Variants in PALS1 observed in about 807,000 individuals in gnomAD.
The protein encoded by PALS1 is protein PALS1.
PALS1 carries 31 observed loss-of-function variants against 78.9 expected under a neutral mutation model. That is an observed-to-expected ratio of 0.39 (90% CI 0.30 to 0.53). The LOEUF (loss-of-function observed/expected upper bound fraction) is 0.53. PALS1 is among the 20% of genes least tolerant of loss of function. The pLI, the probability that PALS1 is intolerant of heterozygous loss-of-function variation, is 0.67. For synonymous variants in PALS1, 276 were observed against 270.9 expected (o/e 1.02, Z -0.18); for missense variants, 704 against 826.5 (o/e 0.85, Z 1.82).
rs564425546 is a variant in PALS1, at chr14:67,289,871, C to T, written c.368-2640C>T. Among the ~76,000 whole-genome samples the T allele has an allele frequency of 3.1e-3, 464 of 150,240 alleles. 3 individuals are homozygous for T. Among genetic ancestry groups the T allele is most frequent in the African/African-American group, 0.011 (437 of 40,758 alleles). On this transcript the variant is annotated intron_variant, in intron 3 of 14. Coordinates refer to ENST00000261681, the MANE Select transcript of PALS1 (RefSeq NM_022474.4). Reference sequence around the variant, plus strand: ...CTGCAAGCTCTGCCTCCTGGGTTCACGCCATTCTCCTGCCTCAGCCTCTCG... The same window carrying T: ...CTGCAAGCTCTGCCTCCTGGGTTCATGCCATTCTCCTGCCTCAGCCTCTCG...
chr14:67,335,488 T>G lies in PALS1; in HGVS notation c.*2532T>G, dbSNP rs2085516673. On this transcript the variant is annotated 3_prime_UTR_variant, in exon 15 of 15. Transcript: ENST00000261681. ...GTTTTAGGTTGGTGCATAACTTTGT[T>G]TCTCAAATTTTCGTTGTCAGAACAA... The G allele has an allele frequency of 6.6e-6, 1 of 152,638 alleles. No homozygotes were observed. Among genetic ancestry groups the G allele is most frequent in the Non-Finnish European group, 1.5e-5 (1 of 68,048 alleles). 9.5% of individuals were successfully genotyped at this position (152,638 alleles called of 1,614,324 possible).
chr14:67,320,647 G>C (rs745691071), intron 12 of PALS1, among the ~76,000 whole-genome samples: 1 of 152,074 alleles, frequency 6.6e-6, no homozygotes, highest in Non-Finnish European at 1.5e-5. Flanking sequence ...ATAATTTCCT[G>C]TTCCATAGAG....
At chr14:67,268,833 G>A (rs1006246094) in intron 1 of PALS1, among the ~76,000 whole-genome samples, 27 of 152,290 alleles carry the variant, frequency 1.8e-4, no homozygotes, top group Admixed American at 1.2e-3. Flanking sequence ...TGGGAATGCA[G>A]CCCAGTAGGT....
chr14:67,241,669 C>G (rs956322539), intron 1 of PALS1, 136 bp downstream of exon 1: 4 of 152,396 alleles, frequency 2.6e-5, no homozygotes, highest in African/African-American at 9.7e-5. Flanking sequence ...CGGGAGACCC[C>G]TGGCAGCCAG....
intron 1 of PALS1, among the ~76,000 whole-genome samples, chr14:67,264,756 A>G (rs2084293131): frequency 6.6e-6 from 1 of 152,178 alleles, no homozygotes; most frequent in South Asian, 2.1e-4. Flanking sequence ...ATGGCCTAGA[A>G]TCATGGGGTG....
intron 4 of PALS1, among the ~76,000 whole-genome samples, chr14:67,297,438 TTG>T (rs764369122): frequency 8.5e-5 from 13 of 152,234 alleles, no homozygotes; most frequent in Non-Finnish European, 1.9e-4. Flanking sequence ...CTAGTTTTTT[TTG>T]TGTTTCTCAA....
intron 1 of PALS1, among the ~76,000 whole-genome samples, chr14:67,259,835 C>T (rs1451299123): frequency 6.6e-6 from 1 of 150,674 alleles, no homozygotes; most frequent in East Asian, 1.9e-4. Flanking sequence ...TTGCTTGAGC[C>T]CAGGAGTTTG....
chr14:67,316,978 TAGAACCGTGA>T, intron 10 of PALS1, 75 bp downstream of exon 10: 1 of 1,174,348 alleles, frequency 8.5e-7, no homozygotes, highest in East Asian at 2.4e-5. Flanking sequence ...ATCTGCATAT[TAGAACCGTGA>T]AGAAGTACTC....
At position 67,335,253 on chromosome 14, in the gene PALS1, A is replaced by G. The variant is rs1246248027; in HGVS notation, c.*2297A>G. ...TGTGCTGATATTCAACATAGTCCTT[A>G]AAGTGAAAACTGAGTTGTTGCTGAC... On this transcript the variant is annotated 3_prime_UTR_variant, in exon 15 of 15. Coordinates refer to ENST00000261681, the MANE Select transcript of PALS1 (RefSeq NM_022474.4). 1 of 152,254 alleles carries G rather than the reference A, an allele frequency of 6.6e-6. No homozygotes were observed. Among genetic ancestry groups the G allele is most frequent in the Non-Finnish European group, 1.5e-5 (1 of 68,052 alleles). 9.4% of individuals were successfully genotyped at this position (152,254 alleles called of 1,614,324 possible). A position where few individuals can be genotyped will look rare whatever the true frequency, so the allele number is the denominator to read the frequency against.
intron 3 of PALS1, among the ~76,000 whole-genome samples, chr14:67,280,717 C>G (rs942777333): frequency 4.9e-4 from 75 of 152,210 alleles, no homozygotes; most frequent in African/African-American, 1.6e-3. Context: ...GCACCTTTTT[C>G]TAATTTGGCC....
chr14:67,292,391 G>A (rs1241592824), intron 3 of PALS1, 120 bp from the exon 4 acceptor site: 3 of 643,594 alleles, frequency 4.7e-6, no homozygotes, highest in Non-Finnish European at 8.1e-6. Context: ...AATATATGCA[G>A]ATTTTGGTAT....
At chr14:67,284,598 A>G (rs1331799640) in intron 3 of PALS1, among the ~76,000 whole-genome samples, 2 of 142,364 alleles carry the variant, frequency 1.4e-5, no homozygotes, top group African/African-American at 5.2e-5. Flanking sequence ...AGGTTGTGCA[A>G]TCATCACTAC....
At chr14:67,318,830 G>A (rs988030401) in intron 11 of PALS1, among the ~76,000 whole-genome samples, 2 of 152,108 alleles carry the variant, frequency 1.3e-5, no homozygotes, top group Admixed American at 1.3e-4. Flanking sequence ...GGCCGAGGCA[G>A]GCGGATCACG....
intron 8 of PALS1, among the ~76,000 whole-genome samples, chr14:67,306,182 C>G (rs1472353238): frequency 6.6e-6 from 1 of 152,150 alleles, no homozygotes; most frequent in Non-Finnish European, 1.5e-5. Context: ...GTTGGCCATG[C>G]TGGTCTCGAA....
intron 2 of PALS1, among the ~76,000 whole-genome samples, chr14:67,276,112 T>C (rs894962007): frequency 1.3e-5 from 2 of 152,192 alleles, no homozygotes; most frequent in African/African-American, 4.8e-5. Flanking sequence ...TGTGTCTCTA[T>C]CCAATAGGAG....
chr14:67,306,619 T>G (rs1365963769), intron 8 of PALS1, among the ~76,000 whole-genome samples: 9 of 152,084 alleles, frequency 5.9e-5, no homozygotes, highest in South Asian at 4.1e-4. Flanking sequence ...TCCGCCCACC[T>G]TGGCCTCCCA....
At chr14:67,319,504 C>T (rs1337905814) in intron 11 of PALS1, among the ~76,000 whole-genome samples, 1 of 151,674 alleles carries the variant, frequency 6.6e-6, no homozygotes, top group African/African-American at 2.4e-5. Context: ...AGTTATACAA[C>T]TACAGCAGGG....
intron 8 of PALS1, among the ~76,000 whole-genome samples, chr14:67,307,630 G>A (rs1351096762): frequency 1.3e-5 from 2 of 152,198 alleles, no homozygotes; most frequent in Non-Finnish European, 1.5e-5. Context: ...CTTGGTGGAT[G>A]TGGGGAAAGG....
rs377065327 is a variant in PALS1 at position 67,326,987 on chromosome 14, T to C, written c.1851+3175T>C. The stretch of plus-strand genomic sequence containing the variant: ...GTGAGGAGTTTGAGACCAGCCTGGC[T>C]AACATAGTGAAACCCCGTCTCTACT... On this transcript the variant is annotated intron_variant, in intron 14 of 14. Transcript: ENST00000261681. Among the ~76,000 whole-genome samples the C allele has an allele frequency of 5.8e-3, 883 of 152,218 alleles. 3 individuals are homozygous for C. The highest frequency in any genetic ancestry group is 7.0e-3 in the African/African-American group (291 of 41,536).
Sources: gnomAD v4.1 joint callset for allele counts (sites outside exome capture counted in the v4.1 genomes callset) on GRCh38, gnomAD v4.1.1 for gene constraint, MANE v1.5 for transcripts, NCBI Gene and HGNC (gene_info 2026-07-23, HGNC 2026-07-21) for gene names.